Variants in PDE10A observed in about 807,000 individuals in gnomAD.
The protein encoded by PDE10A is cAMP and cAMP-inhibited cGMP 3',5'-cyclic phosphodiesterase 10A.
In PDE10A, 39 loss-of-function variants were observed where a neutral mutation model predicts 97.7. The ratio of observed to expected loss-of-function variants is 0.40; its 90% CI spans 0.31 to 0.52. PDE10A has a LOEUF of 0.52. PDE10A is among the 20% of genes least tolerant of loss of function. The pLI is 0.56. For missense variants in PDE10A, 731 were observed against 1,047.8 expected (o/e 0.70, Z 4.17); for synonymous variants, 371 against 376.8 (o/e 0.98, Z 0.18).
At chr6:165,424,308 C>A (rs559785291) in intron 10 of PDE10A, among the ~76,000 whole-genome samples, 1 of 152,184 alleles carries the variant, frequency 6.6e-6, no homozygotes, top group African/African-American at 2.4e-5. Context: ...TGTCTCCCCA[C>A]AGATTAGAAC....
At chr6:165,823,521 T>TATATATATAC (rs1468115459) in intron 1 of PDE10A, among the ~76,000 whole-genome samples, 1 of 136,434 alleles carries the variant, frequency 7.3e-6, no homozygotes, top group East Asian at 2.1e-4. Flanking sequence ...TATATATATA[T>TATATATATAC]ATATGAACCT....
chr6:165,596,798 G>C (rs1042809372), intron 1 of PDE10A, among the ~76,000 whole-genome samples: 15 of 152,122 alleles, frequency 9.9e-5, no homozygotes, highest in African/African-American at 3.6e-4. Flanking sequence ...CTTACTCAGA[G>C]AGCAGACAAA....
chr6:165,616,192 G>A (rs1007124769), intron 1 of PDE10A, among the ~76,000 whole-genome samples: 3 of 151,988 alleles, frequency 2.0e-5, no homozygotes, highest in Non-Finnish European at 2.9e-5. Context: ...AGAATTAAAC[G>A]TGAGCAGTAG....
At chr6:165,623,739 G>A (rs1001634073) in intron 1 of PDE10A, among the ~76,000 whole-genome samples, 18 of 143,150 alleles carry the variant, frequency 1.3e-4, no homozygotes, top group Admixed American at 6.0e-4. Flanking sequence ...CCTCATGAGT[G>A]GGCATTCACC....
chr6:165,342,424 T>C (rs907344145), intron 19 of PDE10A, among the ~76,000 whole-genome samples: 25 of 152,244 alleles, frequency 1.6e-4, no homozygotes, highest in African/African-American at 5.8e-4. Context: ...GCATATGCGA[T>C]GTGTAAAGCA....
intron 18 of PDE10A, among the ~76,000 whole-genome samples, chr6:165,372,643 G>A (rs949199853): frequency 6.0e-5 from 9 of 150,682 alleles, no homozygotes; most frequent in South Asian, 2.1e-4. Context: ...TGTGAAAATC[G>A]CCATACTGCC....
chr6:165,734,497 C>T (rs1288387664), intron 1 of PDE10A, among the ~76,000 whole-genome samples: 1 of 151,832 alleles, frequency 6.6e-6, no homozygotes, highest in African/African-American at 2.4e-5. Flanking sequence ...GGATCCAAAA[C>T]CATAATTTAA....
intron 2 of PDE10A, among the ~76,000 whole-genome samples, chr6:165,527,757 G>A (rs913828218): frequency 7.2e-5 from 11 of 152,152 alleles, no homozygotes; most frequent in African/African-American, 2.7e-4. Flanking sequence ...AGTTACATGA[G>A]GAAGTGGCTA....
At chr6:165,493,368 T>G (rs9459425) in intron 2 of PDE10A, among the ~76,000 whole-genome samples, 9,232 of 152,028 alleles carry the variant, frequency 0.061, 486 homozygotes, top group East Asian at 0.25. Flanking sequence ...AAAAAGAGCC[T>G]GCATAGCCAA....
chr6:165,526,058 G>A (rs1782425477), intron 2 of PDE10A, among the ~76,000 whole-genome samples: 1 of 152,154 alleles, frequency 6.6e-6, no homozygotes, highest in South Asian at 2.1e-4. Flanking sequence ...CTTGAAGAAG[G>A]ACCCCACTAT....
chr6:165,514,231 T>C (rs1781665496), intron 2 of PDE10A, among the ~76,000 whole-genome samples: 1 of 152,226 alleles, frequency 6.6e-6, no homozygotes, highest in African/African-American at 2.4e-5. Flanking sequence ...TGAACAACAT[T>C]TATCGGTGCT....
At chr6:165,466,103 A>G (rs1778634287) in intron 3 of PDE10A, among the ~76,000 whole-genome samples, 1 of 152,232 alleles carries the variant, frequency 6.6e-6, no homozygotes, top group Non-Finnish European at 1.5e-5. Flanking sequence ...CTAATTTGAA[A>G]ACACATCATT....
chr6:165,541,294 T>C (rs536273932), intron 2 of PDE10A, among the ~76,000 whole-genome samples: 4 of 150,886 alleles, frequency 2.7e-5, no homozygotes, highest in African/African-American at 4.9e-5. Context: ...CAAGGTCAAA[T>C]AAAAAACATC....
chr6:165,490,598 T>A (rs1294555838), intron 2 of PDE10A, among the ~76,000 whole-genome samples: 2 of 152,078 alleles, frequency 1.3e-5, no homozygotes, highest in African/African-American at 4.8e-5. Flanking sequence ...GTACCTCATA[T>A]CTCAATACTA....
chr6:165,602,325 G>T (rs1422185026), intron 1 of PDE10A, among the ~76,000 whole-genome samples: 1 of 152,072 alleles, frequency 6.6e-6, no homozygotes, highest in Non-Finnish European at 1.5e-5. Flanking sequence ...AAGAGCCCTA[G>T]GAGGCAGCTA....
intron 1 of PDE10A, chr6:165,773,372 A>G (rs1357158022): frequency 6.6e-6 from 1 of 152,220 alleles, no homozygotes; most frequent in Non-Finnish European, 1.5e-5. Flanking sequence ...ACTCGCTTAA[A>G]CAATGAATTT....
chr6:165,860,746 T>C (rs1780880048), intron 1 of PDE10A, among the ~76,000 whole-genome samples: 1 of 152,154 alleles, frequency 6.6e-6, no homozygotes, highest in African/African-American at 2.4e-5. Context: ...TATTGATTTG[T>C]TTGGGAAGAG....
At chr6:165,984,872 G>T (rs2128504842) in intron 1 of PDE10A, among the ~76,000 whole-genome samples, 1 of 152,312 alleles carries the variant, frequency 6.6e-6, no homozygotes, top group South Asian at 2.1e-4. Flanking sequence ...TCCGGGCATG[G>T]CCGGAACCCG....
intron 1 of PDE10A, among the ~76,000 whole-genome samples, chr6:165,731,279 A>G (rs957751981): frequency 1.3e-5 from 2 of 152,166 alleles, no homozygotes; most frequent in African/African-American, 2.4e-5. Flanking sequence ...TGAGCCCTGT[A>G]CGGGGGGAAA....
Sources: allele counts gnomAD v4.1 joint callset (sites outside exome capture counted in the v4.1 genomes callset), GRCh38; gene constraint gnomAD v4.1.1; transcripts MANE v1.5; gene names NCBI Gene and HGNC (gene_info 2026-07-23, HGNC 2026-07-21).